Variants in SYTL5 observed in about 807,000 individuals in gnomAD.
SYTL5 encodes synaptotagmin like 5.
In SYTL5, 34 loss-of-function variants were observed where a neutral mutation model predicts 55.9. The ratio of observed to expected loss-of-function variants is 0.61; its 90% CI spans 0.46 to 0.81. The LOEUF is 0.81. Among genes scored for constraint, SYTL5 ranks in the 30% least tolerant of loss-of-function variants. SYTL5 has a pLI of 0.00. For missense variants in SYTL5, 637 were observed against 546.7 expected (o/e 1.17, Z -1.65); for synonymous variants, 221 against 188.7 (o/e 1.17, Z -1.40).
the SYTL5 span, among the ~76,000 whole-genome samples, chrX:37,949,788 C>T: frequency 9.0e-6 from 1 of 111,536 alleles, no homozygotes; most frequent in Non-Finnish European, 1.9e-5. Context: ...ACCCTGGGTA[C>T]AACATTTAAA....
the SYTL5 span, among the ~76,000 whole-genome samples, chrX:37,959,184 G>T: frequency 6.3e-5 from 7 of 111,919 alleles, no homozygotes; most frequent in South Asian, 2.6e-3. Context: ...TGACTGAGGT[G>T]TGGCTCCTCA....
chrX:37,935,905 C>T, the SYTL5 span, among the ~76,000 whole-genome samples: 24 of 111,770 alleles, frequency 2.1e-4, no homozygotes, highest in South Asian at 3.7e-4. Flanking sequence ...GACGAGTAAT[C>T]GCATTAAATA....
Position 38,120,338 on chromosome X carries a change from A to G in SYTL5, c.1597-20A>G, listed in dbSNP as rs764042983. 14 of 1,130,662 alleles carry G rather than the reference A, an allele frequency of 1.2e-5. No individual in the cohort carries two copies. The Middle Eastern group carries it at 7.1e-4, about 57-fold the overall frequency. 93.2% of individuals were successfully genotyped at this position (1,130,662 alleles called of 1,213,427 possible). On this transcript the variant is annotated intron_variant, in intron 13 of 16. Transcript: ENST00000297875. ...CCAATCATCCATACTCTTTCAACTTACTTGTTTCTCCTTGGCCAGGTGGAG... is the reference window on the plus strand; with the variant it reads ...CCAATCATCCATACTCTTTCAACTTGCTTGTTTCTCCTTGGCCAGGTGGAG...
At chrX:37,974,169 G>A in the SYTL5 span, among the ~76,000 whole-genome samples, 4 of 111,579 alleles carry the variant, frequency 3.6e-5, no homozygotes, top group African/African-American at 1.3e-4. Context: ...ATTGTAGACT[G>A]AAAATTTGCT....
the SYTL5 span, among the ~76,000 whole-genome samples, chrX:37,939,269 GAAAAAAA>G: frequency 1.0e-5 from 1 of 99,452 alleles, no homozygotes; most frequent in Non-Finnish European, 2.1e-5. Context: ...AAAAAAAAAA[GAAAAAAA>G]AAGAAAAAAA....
At chrX:37,991,353 T>C in the SYTL5 span, 1 of 932,753 alleles carries the variant, frequency 1.1e-6, no homozygotes, top group Non-Finnish European at 1.4e-6. Flanking sequence ...TCGCTTTGGG[T>C]TGTAGGTGTC....
chrX:37,991,361 G>A, the SYTL5 span: 2 of 869,797 alleles, frequency 2.3e-6, no homozygotes, highest in East Asian at 3.4e-5. Flanking sequence ...GGTTGTAGGT[G>A]TCTGTAAGAC....
the SYTL5 span, among the ~76,000 whole-genome samples, chrX:37,896,791 A>G: frequency 1.8e-5 from 2 of 112,195 alleles, no homozygotes; most frequent in African/African-American, 6.5e-5. Context: ...AGTGTAGAAG[A>G]ATTGCCCAGC....
intron 1 of SYTL5, chrX:38,024,100 T>G (rs1934667556): frequency 9.0e-6 from 1 of 110,952 alleles, no homozygotes. Flanking sequence ...AATTTTTTGT[T>G]GAACTACATC....
rs10692415 is a variant in SYTL5, at chrX:38,083,835, A to AATAT, written c.690-5597_690-5594dup. ...TTGTGCGCATAGGCACTGTGGTGTT[A>AATAT]ATATATATATATATATAGGTTTTCA... On this transcript the variant is annotated intron_variant, in intron 6 of 16. Transcript: ENST00000297875. 1.7e-3 allele frequency among the ~76,000 whole-genome samples: 168 copies of AATAT among 99,150 alleles called. 1 individual carries two copies. The South Asian group carries it at 0.025, about 15-fold the overall frequency. 86.1% of individuals were successfully genotyped at this position (99,150 alleles called of 115,157 possible).
the SYTL5 span, among the ~76,000 whole-genome samples, chrX:37,931,834 A>C: frequency 9.0e-6 from 1 of 111,601 alleles, no homozygotes; most frequent in African/African-American, 3.3e-5. Context: ...TGAGGAGTTC[A>C]GTCTGCTCAA....
chrX:38,037,448 T>C (rs1935138297), intron 2 of SYTL5, among the ~76,000 whole-genome samples: 3 of 112,147 alleles, frequency 2.7e-5, no homozygotes, highest in Admixed American at 1.9e-4. Context: ...GCTATTACTA[T>C]TTAGTAAAGT....
At chrX:37,942,558 A>G in the SYTL5 span, among the ~76,000 whole-genome samples, 1 of 111,874 alleles carries the variant, frequency 8.9e-6, no homozygotes, top group African/African-American at 3.2e-5. Flanking sequence ...TTTATGGTAT[A>G]GCACCATTCT....
the SYTL5 span, among the ~76,000 whole-genome samples, chrX:37,965,501 T>G: frequency 9.0e-6 from 1 of 111,728 alleles, no homozygotes; most frequent in East Asian, 2.8e-4. Context: ...CTTCTTAAAT[T>G]TATTAAAGCT....
chrX:37,960,221 A>T, the SYTL5 span, among the ~76,000 whole-genome samples: 1 of 111,779 alleles, frequency 8.9e-6, no homozygotes, highest in African/African-American at 3.3e-5. Flanking sequence ...TTTTATCCAT[A>T]CTAATCTCCT....
chrX:38,099,695 G>C (rs774009624), intron 9 of SYTL5, among the ~76,000 whole-genome samples: 1 of 111,175 alleles, frequency 9.0e-6, no homozygotes, highest in Non-Finnish European at 1.9e-5. Flanking sequence ...TCAATGTTGG[G>C]TATAATGTTA....
At chrX:38,094,584 A>T (rs943737061) in intron 8 of SYTL5, among the ~76,000 whole-genome samples, 160 bp downstream of exon 8, 2 of 112,079 alleles carry the variant, frequency 1.8e-5, no homozygotes, top group African/African-American at 6.5e-5. Context: ...CTGCTTGAAG[A>T]TAGACCCAGG....
chrX:38,080,698 T>A (rs1828108192), intron 6 of SYTL5, among the ~76,000 whole-genome samples: 1 of 112,445 alleles, frequency 8.9e-6, no homozygotes, highest in Non-Finnish European at 1.9e-5. Flanking sequence ...CCATTCCTCA[T>A]ATCTATTATT....
chrX:37,895,421 C>CTTCT, the SYTL5 span, among the ~76,000 whole-genome samples: 1 of 85,026 alleles, frequency 1.2e-5, no homozygotes, highest in African/African-American at 7.1e-5. Context: ...TCCTTCCTTC[C>CTTCT]TTCCTTCCTT....
Sources: allele counts gnomAD v4.1 joint callset (sites outside exome capture counted in the v4.1 genomes callset), GRCh38; gene constraint gnomAD v4.1.1; transcripts MANE v1.5; gene names NCBI Gene and HGNC (gene_info 2026-07-23, HGNC 2026-07-21).